HMCN1: variants seen among roughly 807,000 people sequenced by gnomAD.
HMCN1 encodes the protein hemicentin-1.
HMCN1 carries 321 observed loss-of-function variants against 625.9 expected under a neutral mutation model. The observed-to-expected ratio is 0.51, with a 90% CI of 0.47 to 0.56. The LOEUF (loss-of-function observed/expected upper bound fraction) is 0.56, where lower values mean the gene tolerates loss of function less well. HMCN1 is among the 20% of genes least tolerant of loss of function. The pLI, the probability that HMCN1 is intolerant of heterozygous loss-of-function variation, is 0.00. For synonymous variants in HMCN1, 2,425 were observed against 2,417.6 expected, an observed-to-expected ratio of 1.00 and a Z score of -0.09; for missense variants, 6,588 against 6,887.3, an observed-to-expected ratio of 0.96 and a Z score of 1.54.
At chr1:185,792,367 T>C (rs1658067238) in intron 1 of HMCN1, among the ~76,000 whole-genome samples, 2 of 152,186 alleles carry the variant, frequency 1.3e-5, no homozygotes, top group Non-Finnish European at 2.9e-5. Flanking sequence ...GTTCAAAGCA[T>C]CCTTCTAGTT....
chr1:185,841,896 G>A (rs1661499554), intron 1 of HMCN1, among the ~76,000 whole-genome samples: 1 of 152,198 alleles, frequency 6.6e-6, no homozygotes, highest in Non-Finnish European at 1.5e-5. Context: ...GCAAATATAG[G>A]TAGTGATATG....
chr1:185,801,261 C>T lies in HMCN1; in HGVS notation c.269-44765C>T, dbSNP rs6425003. ...GCCAAAACAGAAAGAAGTCGGTGGG[C>T]TAAGATATTGTCACTTGTGTGCTAA... On this transcript the variant is annotated intron_variant, in intron 1 of 106. Coordinates refer to ENST00000271588, the MANE Select transcript of HMCN1 (RefSeq NM_031935.3). Among the ~76,000 whole-genome samples, 1,195 of 152,214 alleles carry T rather than the reference C, an allele frequency of 7.9e-3. 26 individuals carry two copies. The highest frequency in any genetic ancestry group is 0.028 in the African/African-American group (1,155 of 41,520).
intron 104 of HMCN1, among the ~76,000 whole-genome samples, chr1:186,179,632 G>A (rs918854374): frequency 2.6e-5 from 4 of 152,022 alleles, no homozygotes; most frequent in South Asian, 2.1e-4. Flanking sequence ...AACAAATTCC[G>A]TTTAAATTCA....
intron 1 of HMCN1, among the ~76,000 whole-genome samples, chr1:185,737,356 C>T (rs1196654960): frequency 5.9e-5 from 9 of 151,954 alleles, no homozygotes; most frequent in Admixed American, 5.9e-4. Flanking sequence ...CACTATGTTG[C>T]CCGGGCTAGT....
intron 1 of HMCN1, among the ~76,000 whole-genome samples, chr1:185,841,245 G>GT (rs1039538921): frequency 3.9e-5 from 6 of 152,010 alleles, no homozygotes; most frequent in Non-Finnish European, 7.4e-5. Context: ...TCAGACATTA[G>GT]TTTTTTAAAA....
chr1:186,168,752 A>G (rs1652042824), intron 100 of HMCN1, among the ~76,000 whole-genome samples: 1 of 152,152 alleles, frequency 6.6e-6, no homozygotes. Flanking sequence ...AAAGAAGACT[A>G]TAAGAAGGAA....
intron 1 of HMCN1, among the ~76,000 whole-genome samples, chr1:185,766,399 G>A (rs1254582253): frequency 6.6e-6 from 1 of 152,094 alleles, no homozygotes; most frequent in African/African-American, 2.4e-5. Flanking sequence ...ATGGTAGGGA[G>A]TTTAAGAGGG....
At chr1:185,896,129 G>C (rs915478577) in intron 4 of HMCN1, among the ~76,000 whole-genome samples, 6 of 151,862 alleles carry the variant, frequency 4.0e-5, no homozygotes, top group Non-Finnish European at 8.8e-5. Flanking sequence ...GTAGAGACAG[G>C]GTTTCACGGT....
At chr1:185,849,935 AAT>A in intron 2 of HMCN1, among the ~76,000 whole-genome samples, 1 of 151,998 alleles carries the variant, frequency 6.6e-6, no homozygotes, top group Non-Finnish European at 1.5e-5. Context: ...ATATAGCAAA[AAT>A]TCTTTGCCAC....
At chr1:186,187,366 C>T (rs529329010) in intron 105 of HMCN1, among the ~76,000 whole-genome samples, 1 of 152,178 alleles carries the variant, frequency 6.6e-6, no homozygotes, top group South Asian at 2.1e-4. Flanking sequence ...CTAGCCTGTA[C>T]CATCTCTCCT....
chr1:185,821,208 C>T (rs1337920966), intron 1 of HMCN1, among the ~76,000 whole-genome samples: 1 of 151,988 alleles, frequency 6.6e-6, no homozygotes, highest in Admixed American at 6.6e-5. Context: ...ACATGTGCAC[C>T]TCTCTGTAAA....
intron 6 of HMCN1, among the ~76,000 whole-genome samples, chr1:185,918,719 A>G (rs1279241121): frequency 6.6e-6 from 1 of 152,096 alleles, no homozygotes; most frequent in African/African-American, 2.4e-5. Context: ...GATACTACTC[A>G]CTCAGAGGAG....
At chr1:185,877,562 C>A (rs955728993) in intron 4 of HMCN1, among the ~76,000 whole-genome samples, 1 of 151,290 alleles carries the variant, frequency 6.6e-6, no homozygotes, top group Non-Finnish European at 1.5e-5. Context: ...GCATTATGGG[C>A]ATTTTAACAA....
chr1:185,737,334 A>G (rs1653658697), intron 1 of HMCN1, among the ~76,000 whole-genome samples: 1 of 151,716 alleles, frequency 6.6e-6, no homozygotes, highest in Non-Finnish European at 1.5e-5. Context: ...TTTTTCATAG[A>G]GACAGGGGTT....
intron 17 of HMCN1, among the ~76,000 whole-genome samples, chr1:185,981,918 G>A (rs926078504): frequency 6.6e-6 from 1 of 152,112 alleles, no homozygotes. Flanking sequence ...TGATCCTGAT[G>A]ATTCCACTTT....
rs147113954 is a variant in HMCN1 at position 185,921,902 on chromosome 1, C to G, written c.901-477C>G. ...CTGCTGAGCTGAGGATGCCAGGTTG[C>G]CAAAATCTGAAAATGGTCGGCTCTA... On this transcript the variant is annotated intron_variant, in intron 6 of 106. Coordinates refer to ENST00000271588, the MANE Select transcript of HMCN1 (RefSeq NM_031935.3). 3.2e-4 allele frequency among the ~76,000 whole-genome samples: 49 copies of G among 152,214 alleles called. No homozygotes were observed. The East Asian group carries it at 9.3e-3, about 29-fold the overall frequency.
chr1:186,108,952 G>A (rs1288044783), intron 71 of HMCN1, among the ~76,000 whole-genome samples: 1 of 152,110 alleles, frequency 6.6e-6, no homozygotes. Context: ...TAACTTCCAC[G>A]TCTCTAGGGA....
chr1:185,906,511 A>T (rs1293055269), intron 4 of HMCN1, among the ~76,000 whole-genome samples: 2 of 151,852 alleles, frequency 1.3e-5, no homozygotes, highest in Admixed American at 1.3e-4. Context: ...TTTCCTATGA[A>T]TACTCAAGAC....
intron 18 of HMCN1, 37 bp downstream of exon 18, chr1:185,982,426 T>C: frequency 6.3e-7 from 1 of 1,591,938 alleles, no homozygotes; most frequent in Non-Finnish European, 8.6e-7. Flanking sequence ...CACATTCTTT[T>C]GTGAGTTTTC....
Sources: allele counts gnomAD v4.1 joint callset (sites outside exome capture counted in the v4.1 genomes callset), GRCh38; gene constraint gnomAD v4.1.1; transcripts MANE v1.5; gene names NCBI Gene and HGNC (gene_info 2026-07-23, HGNC 2026-07-21).